The following PDE1A variants were observed in gnomAD, a reference collection of about 807,000 sequenced individuals.
PDE1A encodes the protein phosphodiesterase 1A, also known as dual specificity calcium/calmodulin-dependent 3',5'-cyclic nucleotide phosphodiesterase 1A.
A neutral mutation model predicts 61.7 loss-of-function variants in PDE1A; 35 were observed. That is an observed-to-expected ratio of 0.57 (90% CI 0.43 to 0.75). The LOEUF (loss-of-function observed/expected upper bound fraction) is 0.75, where lower values mean the gene tolerates loss of function less well. Ranked by LOEUF, PDE1A falls within the 30% of genes least tolerant of loss-of-function variation. The pLI, the probability that PDE1A is intolerant of heterozygous loss-of-function variation, is 0.00. For synonymous variants in PDE1A, 232 were observed against 213.2 expected (o/e 1.09, Z -0.77); for missense variants, 597 against 630.6 (o/e 0.95, Z 0.57).
At chr2:182,427,668 T>G (rs940334826), upstream of PDE1A, among the ~76,000 whole-genome samples, 1 of 152,168 alleles carries the variant, frequency 6.6e-6, no homozygotes, top group Non-Finnish European at 1.5e-5. Flanking sequence ...TATTAAAAAT[T>G]GTTTTCTTTT....
At chr2:182,448,682 T>C (rs1448730879) in intron 2 of PDE1A, among the ~76,000 whole-genome samples, 3 of 152,124 alleles carry the variant, frequency 2.0e-5, no homozygotes, top group African/African-American at 7.2e-5. Context: ...AACAAAGGTA[T>C]TCACTTTCAG....
At chr2:182,630,300 C>A in the PDE1A span, among the ~76,000 whole-genome samples, 1 of 152,024 alleles carries the variant, frequency 6.6e-6, no homozygotes, top group Non-Finnish European at 1.5e-5. Context: ...GTCAGTGATA[C>A]AATTTTATTT....
rs979327596 is a variant in PDE1A at position 182,260,368 on chromosome 2, C to T, written c.167+3933G>A. On this transcript the variant is annotated intron_variant, in intron 2 of 13. Coordinates refer to ENST00000351439, the Ensembl canonical transcript of PDE1A. ...TGCTTCTTGGACCTGACTCCTTTTA[C>T]ATAATCTCTGTTTTACTGATAGTTT... Among the ~76,000 whole-genome samples the T allele has an allele frequency of 4.6e-5, 7 of 152,130 alleles. 1 individual carries two copies. Among genetic ancestry groups the T allele is most frequent in the African/African-American group, 1.7e-4 (7 of 41,422 alleles).
the PDE1A span, among the ~76,000 whole-genome samples, chr2:182,552,958 G>C: frequency 6.6e-6 from 1 of 152,134 alleles, no homozygotes; most frequent in Admixed American, 6.5e-5. Flanking sequence ...CATCCCTCCA[G>C]ATCCAGCAGG....
the PDE1A span, among the ~76,000 whole-genome samples, chr2:182,549,290 A>AGAATTACATT: frequency 1.3e-3 from 198 of 152,274 alleles, no homozygotes; most frequent in African/African-American, 4.7e-3. Context: ...CTTGCAAACC[A>AGAATTACATT]GAATTACATT....
At chr2:182,351,032 G>C (rs938402394) in intron 1 of PDE1A, among the ~76,000 whole-genome samples, 12 of 152,172 alleles carry the variant, frequency 7.9e-5, no homozygotes, top group African/African-American at 2.9e-4. Flanking sequence ...AGATGTTTTT[G>C]CTTGTTCTTG....
rs1400334780 is a variant in PDE1A at position 182,215,560 on chromosome 2, G to A, written c.776+8304C>T. On this transcript the variant is annotated intron_variant, in intron 7 of 13. Coordinates refer to ENST00000351439, the Ensembl canonical transcript of PDE1A. ...AAAAAGAGAGAAGAATCTAATAGAC[G>A]CAATAAAAAATGATAAAGGGGATAT... Among the ~76,000 whole-genome samples the A allele has an allele frequency of 3.9e-4, 59 of 149,478 alleles. 3 individuals are homozygous for A. In the South Asian group the frequency reaches 8.6e-3, roughly 22 times the overall value.
chr2:182,612,089 C>T, the PDE1A span, among the ~76,000 whole-genome samples: 1 of 152,168 alleles, frequency 6.6e-6, no homozygotes, highest in Non-Finnish European at 1.5e-5. Flanking sequence ...GTACTAATTT[C>T]GTCCAAAACA....
the PDE1A span, among the ~76,000 whole-genome samples, chr2:182,653,820 T>C: frequency 6.6e-6 from 1 of 152,164 alleles, no homozygotes; most frequent in Non-Finnish European, 1.5e-5. Context: ...CCATCATTGC[T>C]ACTCTGAAAC....
chr2:182,231,221 A>G (rs1159837811), intron 4 of PDE1A, 90 bp from the exon 5 acceptor site: 7 of 720,496 alleles, frequency 9.7e-6, no homozygotes, highest in Non-Finnish European at 1.7e-5. Flanking sequence ...TACATTTAGC[A>G]GGTCATCTTT....
Position 182,234,423 on chromosome 2 carries a change from T to G in PDE1A, c.417+9A>C. ...CATTTTATACACGAAAATAATGAAATTATGTCACCTTTAATGTTACGATGA... is the reference window on the plus strand; with the variant it reads ...CATTTTATACACGAAAATAATGAAAGTATGTCACCTTTAATGTTACGATGA... On this transcript the variant is annotated intron_variant, in intron 4 of 13. Transcript: ENST00000351439. 1 of 1,578,366 alleles carries G rather than the reference T, an allele frequency of 6.3e-7. No individual in the cohort carries two copies. Among genetic ancestry groups the G allele is most frequent in the Non-Finnish European group, 8.7e-7 (1 of 1,155,334 alleles).
intron 1 of PDE1A, among the ~76,000 whole-genome samples, chr2:182,412,604 A>G (rs892256321): frequency 6.6e-6 from 1 of 152,248 alleles, no homozygotes; most frequent in African/African-American, 2.4e-5. Context: ...AAATTAGACT[A>G]GAAACAGCAC....
At chr2:182,152,412 CTTTTTTTTTTTTTTT>C (rs559392112) in intron 13 of PDE1A, among the ~76,000 whole-genome samples, 1 of 75,296 alleles carries the variant, frequency 1.3e-5, no homozygotes, top group South Asian at 5.6e-4. Flanking sequence ...TTTTTTTCCT[CTTTTTTTTTTTTTTT>C]TTTTTTTTTT....
chr2:182,505,684 G>A (rs1031215547), intron 2 of PDE1A, among the ~76,000 whole-genome samples: 4 of 152,168 alleles, frequency 2.6e-5, no homozygotes, highest in African/African-American at 9.7e-5. Flanking sequence ...GAGGGTTCCA[G>A]AGAGCTTAAA....
At chr2:182,439,261 AT>A (rs1684639083) in intron 2 of PDE1A, among the ~76,000 whole-genome samples, 1 of 151,792 alleles carries the variant, frequency 6.6e-6, no homozygotes, top group Non-Finnish European at 1.5e-5. Flanking sequence ...AGATATTTGA[AT>A]GGTGCAGGGG....
chr2:182,179,847 G>A (rs1265340646), intron 13 of PDE1A, among the ~76,000 whole-genome samples: 2 of 152,136 alleles, frequency 1.3e-5, no homozygotes, highest in African/African-American at 4.8e-5. Flanking sequence ...AGAGGGTGAA[G>A]TAGATAATAA....
At chr2:182,621,787 C>T in the PDE1A span, among the ~76,000 whole-genome samples, 5 of 151,928 alleles carry the variant, frequency 3.3e-5, no homozygotes, top group Admixed American at 1.3e-4. Context: ...AAGTGAATGA[C>T]GGTAGACAAG....
chr2:182,498,835 T>A (rs1399265871), intron 2 of PDE1A, among the ~76,000 whole-genome samples: 1 of 151,804 alleles, frequency 6.6e-6, no homozygotes, highest in Non-Finnish European at 1.5e-5. Flanking sequence ...TCCCAGCTAC[T>A]TGGGAGGCTG....
At chr2:182,239,966 T>C in intron 3 of PDE1A, 144 bp downstream of exon 3, 1 of 592,058 alleles carries the variant, frequency 1.7e-6, no homozygotes, top group Non-Finnish European at 2.7e-6. Flanking sequence ...CATCATAAAG[T>C]CCCAAATTTG....
Sources: gnomAD v4.1 joint callset for allele counts (sites outside exome capture counted in the v4.1 genomes callset) on GRCh38, gnomAD v4.1.1 for gene constraint, MANE v1.5 for transcripts, NCBI Gene and HGNC (gene_info 2026-07-23, HGNC 2026-07-21) for gene names.